C1orf21: variants seen among roughly 807,000 people sequenced by gnomAD.
C1orf21 encodes chromosome 1 open reading frame 21, also known as uncharacterized protein C1orf21.
In C1orf21, 3 loss-of-function variants were observed where a neutral mutation model predicts 18.7. The ratio of observed to expected loss-of-function variants is 0.16; its 90% CI spans 0.07 to 0.42. C1orf21 has a LOEUF of 0.42. C1orf21 is among the 10% of genes least tolerant of loss of function. C1orf21 has a pLI of 0.99. For missense variants in C1orf21, 104 were observed against 143.6 expected, an observed-to-expected ratio of 0.72 and a Z score of 1.41; for synonymous variants, 41 against 46.4, an observed-to-expected ratio of 0.88 and a Z score of 0.47.
rs114240614 is a variant in C1orf21 at position 184,501,573 on chromosome 1, G to A, written c.95-6015G>A. 2.6e-3 allele frequency among the ~76,000 whole-genome samples: 403 copies of A among 152,120 alleles called. 1 individual carries two copies. Among genetic ancestry groups the A allele is most frequent in the African/African-American group, 9.2e-3 (382 of 41,458 alleles). ...TATTTTCTTACATCCTCTCCTACTC[G>A]CCATTAACTCCTTTAGAACAGGGAC... is the stretch of plus-strand genomic sequence containing the variant. On this transcript the variant is annotated intron_variant, in intron 2 of 5. Transcript: ENST00000235307.
At chr1:184,402,202 G>A (rs573328775) in intron 1 of C1orf21, among the ~76,000 whole-genome samples, 1 of 152,236 alleles carries the variant, frequency 6.6e-6, no homozygotes, top group East Asian at 1.9e-4. Context: ...ATGGTTAATG[G>A]CTACCATTTT....
chr1:184,438,036 A>T (rs1168735347), intron 1 of C1orf21, among the ~76,000 whole-genome samples: 2 of 152,180 alleles, frequency 1.3e-5, no homozygotes. Context: ...GTAAATACAG[A>T]TGAAGCTTTG....
chr1:184,414,007 A>C (rs556747700), intron 1 of C1orf21, among the ~76,000 whole-genome samples: 40 of 152,328 alleles, frequency 2.6e-4, no homozygotes, highest in African/African-American at 8.4e-4. Flanking sequence ...ATTTACAATA[A>C]CATAATATTT....
intron 2 of C1orf21, among the ~76,000 whole-genome samples, chr1:184,503,879 T>C (rs1658013579): frequency 6.6e-6 from 1 of 152,120 alleles, no homozygotes; most frequent in African/African-American, 2.4e-5. Flanking sequence ...GTCAGGATTA[T>C]TAAAAAGTTA....
At chr1:184,528,978 A>C (rs905665282) in intron 3 of C1orf21, among the ~76,000 whole-genome samples, 3 of 152,076 alleles carry the variant, frequency 2.0e-5, no homozygotes, top group African/African-American at 7.2e-5. Context: ...ATTGTTTTGG[A>C]CATATATTGC....
chr1:184,555,079 G>T (rs1658859763), intron 3 of C1orf21, among the ~76,000 whole-genome samples: 1 of 152,014 alleles, frequency 6.6e-6, no homozygotes, highest in African/African-American at 2.4e-5. Context: ...ATTTCCCTTT[G>T]CCTTCACTGG....
At chr1:184,472,523 T>A (rs1657509909) in intron 1 of C1orf21, among the ~76,000 whole-genome samples, 1 of 152,214 alleles carries the variant, frequency 6.6e-6, no homozygotes, top group Non-Finnish European at 1.5e-5. Context: ...TAGTGGAAAG[T>A]GAAATTACAC....
intron 3 of C1orf21, among the ~76,000 whole-genome samples, chr1:184,587,853 A>T (rs138234153): frequency 1.4e-3 from 215 of 152,134 alleles, no homozygotes; most frequent in African/African-American, 5.1e-3. Context: ...GACCTCACAT[A>T]ATCTGCCTGC....
At chr1:184,561,621 T>G (rs1478642125) in intron 3 of C1orf21, among the ~76,000 whole-genome samples, 1 of 152,120 alleles carries the variant, frequency 6.6e-6, no homozygotes, top group African/African-American at 2.4e-5. Flanking sequence ...GTTGTTTGTT[T>G]GTTTGTTTGT....
intron 3 of C1orf21, among the ~76,000 whole-genome samples, chr1:184,580,992 A>C (rs1387449555): frequency 6.6e-6 from 1 of 152,166 alleles, no homozygotes; most frequent in African/African-American, 2.4e-5. Context: ...AGGAACATCT[A>C]ACCCTTGCTG....
At chr1:184,570,872 C>T (rs540054252) in intron 3 of C1orf21, among the ~76,000 whole-genome samples, 1 of 152,176 alleles carries the variant, frequency 6.6e-6, no homozygotes, top group Non-Finnish European at 1.5e-5. Flanking sequence ...TTCTACACAC[C>T]TAGGCTCTAT....
chr1:184,595,534 T>TA lies in C1orf21; in HGVS notation c.267-2866dup, dbSNP rs369918282. On this transcript the variant is annotated intron_variant, in intron 4 of 5. Transcript: ENST00000235307. ...GTTTATCTAGACAGGAATCAGTTGA[T>TA]ATGGGGAAATTTTTATTTCATCAGA... 4.6e-5 allele frequency among the ~76,000 whole-genome samples: 7 copies of TA among 152,328 alleles called. No homozygotes were observed. In the East Asian group the frequency reaches 9.7e-4, roughly 21 times the overall value.
chr1:184,620,876 T>C lies in C1orf21; in HGVS notation c.*1320T>C, dbSNP rs1659904982. 6.6e-6 allele frequency: 1 copy of C among 152,632 alleles called. No individual in the cohort carries two copies. 9.5% of individuals were successfully genotyped at this position (152,632 alleles called of 1,614,324 possible). A position where few individuals can be genotyped will look rare whatever the true frequency, so the allele number is the denominator to read the frequency against. On this transcript the variant is annotated 3_prime_UTR_variant, in exon 6 of 6. Coordinates refer to ENST00000235307, the MANE Select transcript of C1orf21 (RefSeq NM_030806.4). ...AGCAATCAAAAGGAGAAAATAACTT[T>C]TGTATTTTTTTAATGTGTTTGATAG...
chr1:184,586,614 G>T (rs987835859), intron 3 of C1orf21, among the ~76,000 whole-genome samples: 27 of 152,120 alleles, frequency 1.8e-4, no homozygotes, highest in Admixed American at 1.0e-3. Flanking sequence ...TTGTTTGGGG[G>T]TTTTTTTCTT....
At chr1:184,428,755 C>A (rs2224029) in intron 1 of C1orf21, among the ~76,000 whole-genome samples, 19,572 of 152,054 alleles carry the variant, frequency 0.13, 2,592 homozygotes, top group African/African-American at 0.34. Flanking sequence ...GCACACTGGC[C>A]TGTGCTTGTG....
intron 2 of C1orf21, among the ~76,000 whole-genome samples, chr1:184,501,696 A>C: frequency 6.6e-6 from 1 of 152,254 alleles, no homozygotes; most frequent in South Asian, 2.1e-4. Context: ...GAAGAAACAC[A>C]GAAAGGATAG....
chr1:184,565,014 C>T (rs1659015940), intron 3 of C1orf21, among the ~76,000 whole-genome samples: 2 of 152,176 alleles, frequency 1.3e-5, no homozygotes, highest in African/African-American at 4.8e-5. Context: ...AAGTCCTTTA[C>T]TCTCTCTAGA....
At chr1:184,486,695 A>G (rs139450818) in intron 2 of C1orf21, among the ~76,000 whole-genome samples, 36 of 152,328 alleles carry the variant, frequency 2.4e-4, no homozygotes, top group African/African-American at 8.7e-4. Flanking sequence ...TATACTTTCT[A>G]TATTAAAAAA....
rs568333775 is a variant in C1orf21, at chr1:184,515,108, C to A, written c.189+7426C>A. On this transcript the variant is annotated intron_variant, in intron 3 of 5. Coordinates refer to ENST00000235307, the MANE Select transcript of C1orf21 (RefSeq NM_030806.4). ...AAATTAAATAAGGTATACCTATAACCTCTTTGAACACCTCCTGGCATAGAA... is the reference window on the plus strand; with the variant it reads ...AAATTAAATAAGGTATACCTATAACATCTTTGAACACCTCCTGGCATAGAA... 6.8e-4 allele frequency among the ~76,000 whole-genome samples: 103 copies of A among 152,302 alleles called. 1 individual carries two copies. The highest frequency in any genetic ancestry group is 6.8e-3 in the Middle Eastern group (2 of 294).
Sources: gnomAD v4.1 joint callset for allele counts (sites outside exome capture counted in the v4.1 genomes callset) on GRCh38, gnomAD v4.1.1 for gene constraint, MANE v1.5 for transcripts, NCBI Gene and HGNC (gene_info 2026-07-23, HGNC 2026-07-21) for gene names.